Variants in MAN1A1 observed in about 807,000 individuals in gnomAD.
MAN1A1 encodes mannosyl-oligosaccharide 1,2-alpha-mannosidase IA.
Under a neutral mutation model 70.8 loss-of-function variants are expected in MAN1A1, and 29 were observed. The observed-to-expected ratio is 0.41, with a 90% CI of 0.31 to 0.56. The LOEUF is 0.56. Among genes scored for constraint, MAN1A1 ranks in the 20% least tolerant of loss-of-function variants. MAN1A1 has a pLI of 0.29. For missense variants in MAN1A1, 747 were observed against 841.3 expected, an observed-to-expected ratio of 0.89 and a Z score of 1.39; for synonymous variants, 349 against 330.1, an observed-to-expected ratio of 1.06 and a Z score of -0.62.
chr6:119,205,036 C>T (rs889241380), intron 6 of MAN1A1, among the ~76,000 whole-genome samples, 154 bp from the exon 7 acceptor site: 2 of 152,184 alleles, frequency 1.3e-5, no homozygotes, highest in African/African-American at 2.4e-5. Flanking sequence ...TCTTCTTTGG[C>T]TACCAGTTTT....
intron 5 of MAN1A1, among the ~76,000 whole-genome samples, chr6:119,250,793 CCTT>C (rs1775299208): frequency 6.6e-6 from 1 of 152,114 alleles, no homozygotes. Context: ...TCAAATTCAA[CCTT>C]CTATTTTAGC....
At chr6:119,318,472 G>A (rs1301847191) in intron 2 of MAN1A1, among the ~76,000 whole-genome samples, 12 of 152,258 alleles carry the variant, frequency 7.9e-5, no homozygotes, top group African/African-American at 2.6e-4. Context: ...CATGCAATCT[G>A]GGGGAAACTT....
At chr6:119,305,647 G>A (rs1204217255) in intron 3 of MAN1A1, among the ~76,000 whole-genome samples, 1 of 152,014 alleles carries the variant, frequency 6.6e-6, no homozygotes, top group Non-Finnish European at 1.5e-5. Flanking sequence ...TGCAAACCCT[G>A]CAATGCCTTT....
chr6:119,300,609 G>A (rs990406046), intron 4 of MAN1A1, among the ~76,000 whole-genome samples: 12 of 152,032 alleles, frequency 7.9e-5, no homozygotes, highest in African/African-American at 2.9e-4. Flanking sequence ...TTTTTCCAGT[G>A]CTTTAATTTT....
intron 5 of MAN1A1, among the ~76,000 whole-genome samples, chr6:119,286,149 G>A (rs919963442): frequency 2.6e-5 from 4 of 152,120 alleles, no homozygotes; most frequent in Admixed American, 1.3e-4. Flanking sequence ...TCAGGCAGGA[G>A]ACAGATGGGT....
At chr6:119,310,179 C>G (rs1338663922) in intron 2 of MAN1A1, among the ~76,000 whole-genome samples, 1 of 152,178 alleles carries the variant, frequency 6.6e-6, no homozygotes, top group African/African-American at 2.4e-5. Context: ...GAAAGAAATA[C>G]GTTGGAATTT....
rs762070502 is a variant in MAN1A1 at position 119,348,786 on chromosome 6, CGCGCGCCCCG to C, written c.270_279del (p.Gly91ProfsTer109). The C allele has an allele frequency of 6.4e-6, 9 of 1,410,606 alleles. No individual in the cohort carries two copies. Among genetic ancestry groups the C allele is most frequent in the Non-Finnish European group, 8.3e-6 (9 of 1,081,946 alleles). 87.4% of individuals were successfully genotyped at this position (1,410,606 alleles called of 1,614,324 possible). A position where few individuals can be genotyped will look rare whatever the true frequency, so the allele number is the denominator to read the frequency against. ...GCTCGCCCCTCGGCCGCGTCCTCGG[CGCGCGCCCCG>C]GGCCCGGGCTTGTGGTCGGCGGCCG... On this transcript the variant is annotated frameshift_variant, in exon 2 of 13. Transcript: ENST00000368468. LOFTEE classifies it high-confidence loss of function.
intron 6 of MAN1A1, among the ~76,000 whole-genome samples, chr6:119,211,831 A>C (rs1461744843): frequency 1.3e-5 from 2 of 150,640 alleles, no homozygotes; most frequent in Admixed American, 1.3e-4. Flanking sequence ...TTTTAAATGA[A>C]ATAATAGTAG....
At chr6:119,243,715 CTG>C (rs1478365841) in intron 6 of MAN1A1, among the ~76,000 whole-genome samples, 1 of 152,040 alleles carries the variant, frequency 6.6e-6, no homozygotes, top group Non-Finnish European at 1.5e-5. Context: ...ATAATATAAA[CTG>C]TAATGTAACC....
At chr6:119,270,635 T>A (rs1025833268) in intron 5 of MAN1A1, among the ~76,000 whole-genome samples, 1 of 152,218 alleles carries the variant, frequency 6.6e-6, no homozygotes, top group Non-Finnish European at 1.5e-5. Flanking sequence ...TGTTCCCAGG[T>A]ATATTCATCA....
intron 5 of MAN1A1, among the ~76,000 whole-genome samples, chr6:119,254,098 T>C (rs1178267386): frequency 6.6e-6 from 1 of 152,214 alleles, no homozygotes; most frequent in Admixed American, 6.5e-5. Flanking sequence ...AACTAGCTTG[T>C]AAAATTAAAA....
Position 119,193,816 on chromosome 6 carries a change from T to C in MAN1A1, c.1287A>G (p.Thr429=), listed in dbSNP as rs1773500539. The C allele has an allele frequency of 6.2e-7, 1 of 1,613,798 alleles. No individual in the cohort carries two copies. Residue 429 remains threonine, a synonymous_variant, in exon 9 of 13, where the codon ACA becomes ACG. Transcript: ENST00000368468. The stretch of plus-strand genomic sequence containing the variant: ...AATACATCTTCTTAGCTTCCAGATC[T>C]GTCTTGTCAGACATTAACCAGGCCT... ...LLKAWLMSDK[T]DLEAKKMYFD... is the part of the protein sequence containing the mutation.
chr6:119,307,748 A>G (rs1481666353), intron 2 of MAN1A1, among the ~76,000 whole-genome samples: 2 of 152,170 alleles, frequency 1.3e-5, no homozygotes, highest in African/African-American at 4.8e-5. Context: ...TTTTGTATGC[A>G]TATTTTTTAA....
At position 119,257,257 on chromosome 6, in the gene MAN1A1, TGA is replaced by T. The variant is rs146786469; in HGVS notation, c.898-8905_898-8904del. Among the ~76,000 whole-genome samples the T allele has an allele frequency of 5.5e-3, 842 of 152,158 alleles. 7 individuals carry two copies. Among genetic ancestry groups the T allele is most frequent in the African/African-American group, 0.019 (798 of 41,524 alleles). The stretch of plus-strand genomic sequence containing the variant: ...TAGATTACTAGGGTCTAGAAAATGG[TGA>T]GAGAGAGACAGATTAAATAAGATAA... On this transcript the variant is annotated intron_variant, in intron 5 of 12. Transcript: ENST00000368468.
intron 6 of MAN1A1, among the ~76,000 whole-genome samples, chr6:119,205,688 T>G (rs1350667449): frequency 6.6e-6 from 1 of 152,234 alleles, no homozygotes; most frequent in Non-Finnish European, 1.5e-5. Context: ...TACAGTTTAT[T>G]TCTGAAGAGC....
chr6:119,318,129 G>T (rs1053773184), intron 2 of MAN1A1, among the ~76,000 whole-genome samples: 2 of 152,208 alleles, frequency 1.3e-5, no homozygotes, highest in African/African-American at 4.8e-5. Context: ...TAATCTTGGA[G>T]TAGCAACTAG....
chr6:119,313,630 A>G (rs907353349), intron 2 of MAN1A1, among the ~76,000 whole-genome samples: 1 of 151,862 alleles, frequency 6.6e-6, no homozygotes, highest in Non-Finnish European at 1.5e-5. Flanking sequence ...AGATTTAGGA[A>G]ATGGAAATAT....
Position 119,232,786 on chromosome 6 carries a change from G to C in MAN1A1, c.992+15474C>G, listed in dbSNP as rs1469893222. Among the ~76,000 whole-genome samples, 16 of 149,978 alleles carry C rather than the reference G, an allele frequency of 1.1e-4. No homozygotes were observed. The Admixed American group carries it at 1.1e-3, about 10-fold the overall frequency. ...TAAGGCACTAATATTAGCTTATCTG[G>C]CTGCCTATAGCTTCTAAATTCATAA... On this transcript the variant is annotated intron_variant, in intron 6 of 12. Coordinates refer to ENST00000368468, the MANE Select transcript of MAN1A1 (RefSeq NM_005907.4).
intron 6 of MAN1A1, among the ~76,000 whole-genome samples, chr6:119,213,213 G>A (rs1031116228): frequency 6.6e-6 from 1 of 152,070 alleles, no homozygotes; most frequent in Non-Finnish European, 1.5e-5. Context: ...AAGAAGTAAT[G>A]CACAAATAAA....
Sources: gnomAD v4.1 joint callset for allele counts (sites outside exome capture counted in the v4.1 genomes callset) on GRCh38, gnomAD v4.1.1 for gene constraint, MANE v1.5 for transcripts, NCBI Gene and HGNC (gene_info 2026-07-23, HGNC 2026-07-21) for gene names.